Variants in MYO9A observed in about 807,000 individuals in gnomAD.
MYO9A encodes the protein unconventional myosin-IXa.
Under a neutral mutation model 293.3 loss-of-function variants are expected in MYO9A, and 103 were observed. The observed-to-expected ratio is 0.35, with a 90% CI of 0.30 to 0.41. The LOEUF is 0.41. MYO9A is among the 10% of genes least tolerant of loss of function. MYO9A has a pLI of 1.00. For missense variants in MYO9A, 2,685 were observed against 3,033.0 expected (o/e 0.89, Z 2.69); for synonymous variants, 1,001 against 1,035.7 (o/e 0.97, Z 0.64).
intron 1 of MYO9A, among the ~76,000 whole-genome samples, chr15:72,048,354 G>A (rs1331893663): frequency 1.3e-5 from 2 of 150,552 alleles, no homozygotes; most frequent in East Asian, 3.9e-4. Flanking sequence ...AGCTGAGGTC[G>A]CACCCCTACA....
rs1438235123 is a variant in MYO9A at position 71,823,421 on chromosome 15, G to A, written c.*3159C>T. On this transcript the variant is annotated 3_prime_UTR_variant, in exon 42 of 42. Transcript: ENST00000356056. ...CTGGCAGGTTTCCAAAGCATGAGAA[G>A]GTGGGGGCTCTAGTATTCCATCCCA... The A allele has an allele frequency of 1.3e-5, 2 of 152,240 alleles. No homozygotes were observed. Among genetic ancestry groups the A allele is most frequent in the Middle Eastern group, 3.1e-3 (1 of 318 alleles). 9.4% of individuals were successfully genotyped at this position (152,240 alleles called of 1,614,324 possible).
intron 1 of MYO9A, among the ~76,000 whole-genome samples, chr15:72,113,666 C>A (rs776220792): frequency 5.3e-5 from 8 of 152,120 alleles, no homozygotes; most frequent in Non-Finnish European, 1.0e-4. Context: ...CCCCATTTTG[C>A]GGTAAATTAG....
intron 12 of MYO9A, among the ~76,000 whole-genome samples, chr15:71,975,202 G>A (rs2076106691): frequency 6.6e-6 from 1 of 152,108 alleles, no homozygotes; most frequent in Non-Finnish European, 1.5e-5. Context: ...TGACTGAATG[G>A]GATTCTAGTA....
At chr15:71,836,703 C>T (rs1164797916) in intron 39 of MYO9A, among the ~76,000 whole-genome samples, 1 of 151,924 alleles carries the variant, frequency 6.6e-6, no homozygotes, top group East Asian at 1.9e-4. Context: ...GAATCAGAGA[C>T]AAAATAATAC....
chr15:72,081,450 T>C (rs1474828854), intron 1 of MYO9A, among the ~76,000 whole-genome samples: 2 of 152,028 alleles, frequency 1.3e-5, no homozygotes, highest in Non-Finnish European at 2.9e-5. Flanking sequence ...GTGCTAGATA[T>C]TAGATCTTTG....
intron 39 of MYO9A, among the ~76,000 whole-genome samples, chr15:71,841,372 T>TATC (rs2141008897): frequency 6.6e-6 from 1 of 152,306 alleles, no homozygotes; most frequent in African/African-American, 2.4e-5. Context: ...ATATATTTTT[T>TATC]ATCATGCTAA....
At chr15:71,994,906 AT>A (rs1161211922) in intron 9 of MYO9A, among the ~76,000 whole-genome samples, 3 of 152,062 alleles carry the variant, frequency 2.0e-5, no homozygotes, top group African/African-American at 7.2e-5. Context: ...CTAATTTTGT[AT>A]TTTTAGTAGA....
At chr15:71,932,594 T>C (rs572580603) in intron 18 of MYO9A, among the ~76,000 whole-genome samples, 1 of 151,270 alleles carries the variant, frequency 6.6e-6, no homozygotes, top group South Asian at 2.1e-4. Context: ...CCTCAAACAA[T>C]GGCTAGAGAA....
intron 15 of MYO9A, among the ~76,000 whole-genome samples, chr15:71,942,024 A>G (rs944833383): frequency 1.3e-5 from 2 of 152,106 alleles, no homozygotes; most frequent in African/African-American, 2.4e-5. Flanking sequence ...AACAATATAT[A>G]TAATTCTTAA....
intron 1 of MYO9A, among the ~76,000 whole-genome samples, chr15:72,094,231 G>A (rs1222657216): frequency 1.2e-5 from 1 of 85,276 alleles, no homozygotes; most frequent in African/African-American, 2.7e-5. Context: ...GAAAGAGGAA[G>A]GAGGAAGAAG....
At chr15:71,835,711 T>C (rs1402681427) in intron 39 of MYO9A, among the ~76,000 whole-genome samples, 1 of 152,140 alleles carries the variant, frequency 6.6e-6, no homozygotes, top group African/African-American at 2.4e-5. Context: ...AGGCAATCTA[T>C]AGATCCAATG....
At chr15:72,088,569 C>T (rs1283060233) in intron 1 of MYO9A, among the ~76,000 whole-genome samples, 2 of 152,178 alleles carry the variant, frequency 1.3e-5, no homozygotes, top group African/African-American at 4.8e-5. Context: ...GACATATACA[C>T]CCTCACCTCC....
chr15:71,963,073 T>C (rs1004728740), intron 13 of MYO9A, among the ~76,000 whole-genome samples: 17 of 152,100 alleles, frequency 1.1e-4, no homozygotes, highest in Admixed American at 6.5e-5. Flanking sequence ...TGTGTACTCA[T>C]TTCTCTTTTT....
At chr15:71,873,848 T>C (rs1004224368) in intron 32 of MYO9A, among the ~76,000 whole-genome samples, 2 of 152,232 alleles carry the variant, frequency 1.3e-5, no homozygotes, top group African/African-American at 4.8e-5. Context: ...CTTTTAAGGC[T>C]TAAAGTATAT....
chr15:71,920,625 T>TAA, intron 18 of MYO9A, among the ~76,000 whole-genome samples: 1 of 152,124 alleles, frequency 6.6e-6, no homozygotes, highest in African/African-American at 2.4e-5. Flanking sequence ...ATTTCTCATG[T>TAA]TATTAAAAAG....
At chr15:71,891,974 A>G (rs906422368) in intron 26 of MYO9A, 2 of 152,208 alleles carry the variant, frequency 1.3e-5, no homozygotes, top group Non-Finnish European at 2.9e-5. Context: ...ACAGACACTA[A>G]AGAATATTAG....
At chr15:72,035,320 G>A (rs192480905) in intron 2 of MYO9A, among the ~76,000 whole-genome samples, 139 of 152,114 alleles carry the variant, frequency 9.1e-4, no homozygotes, top group African/African-American at 3.3e-3. Context: ...TACACATCAA[G>A]GCACAAACAT....
Position 71,854,193 on chromosome 15 carries a change from T to G in MYO9A, c.6346+184A>C, listed in dbSNP as rs28630701. On this transcript the variant is annotated intron_variant, in intron 35 of 41. Coordinates refer to ENST00000356056, the MANE Select transcript of MYO9A (RefSeq NM_006901.4). ...AATTATATGCTCAATATATGTCTGC[T>G]GAGTTGACCAAATGAAACCAAAGAC... 5.6e-3 allele frequency among the ~76,000 whole-genome samples: 855 copies of G among 152,274 alleles called. 11 individuals are homozygous for G. The highest frequency in any genetic ancestry group is 0.019 in the African/African-American group (809 of 41,554).
chr15:71,902,706 A>G (rs922028787), intron 22 of MYO9A, among the ~76,000 whole-genome samples: 1 of 152,186 alleles, frequency 6.6e-6, no homozygotes, highest in Non-Finnish European at 1.5e-5. Context: ...AGATTACAGT[A>G]GAGTATCTAT....
Sources: gnomAD v4.1 joint callset for allele counts (sites outside exome capture counted in the v4.1 genomes callset) on GRCh38, gnomAD v4.1.1 for gene constraint, MANE v1.5 for transcripts, NCBI Gene and HGNC (gene_info 2026-07-23, HGNC 2026-07-21) for gene names.